Variants in PRLR observed in about 807,000 individuals in gnomAD.
PRLR encodes hPRL receptor.
PRLR carries 13 observed loss-of-function variants against 40.2 expected under a neutral mutation model. The ratio of observed to expected loss-of-function variants is 0.32; its 90% CI spans 0.21 to 0.51. PRLR has a LOEUF of 0.51. Among genes scored for constraint, PRLR ranks in the 20% least tolerant of loss-of-function variants. PRLR has a pLI of 0.97. For synonymous variants in PRLR, 269 were observed against 278.7 expected (o/e 0.97, Z 0.35); for missense variants, 656 against 747.3 (o/e 0.88, Z 1.42).
chr5:35,215,499 G>T (rs893546731), intron 1 of PRLR, among the ~76,000 whole-genome samples: 2 of 152,154 alleles, frequency 1.3e-5, no homozygotes, highest in Non-Finnish European at 2.9e-5. Flanking sequence ...TACATACCTT[G>T]TCTTGTCTTT....
At chr5:35,158,316 A>G (rs1378706338) in intron 1 of PRLR, among the ~76,000 whole-genome samples, 2 of 152,166 alleles carry the variant, frequency 1.3e-5, no homozygotes, top group African/African-American at 4.8e-5. Context: ...ATTTCCACTT[A>G]CAACGCAGTG....
chr5:35,194,598 G>C (rs1362274668), intron 1 of PRLR, among the ~76,000 whole-genome samples: 1 of 152,154 alleles, frequency 6.6e-6, no homozygotes, highest in Non-Finnish European at 1.5e-5. Flanking sequence ...CTAAAACGGA[G>C]AGAAGCTACC....
At position 35,055,879 on chromosome 5, in the gene PRLR, A is replaced by T. The variant is rs1286568497; in HGVS notation, c.*9210T>A. 1 of 152,218 alleles carries T rather than the reference A, an allele frequency of 6.6e-6. No homozygotes were observed. Among genetic ancestry groups the T allele is most frequent in the Non-Finnish European group, 1.5e-5 (1 of 68,038 alleles). The allele number at this position is 152,218 out of a possible 1,614,324, so 9.4% of individuals were successfully genotyped here. A position where few individuals can be genotyped will look rare whatever the true frequency, so the allele number is the denominator to read the frequency against. On this transcript the variant is annotated 3_prime_UTR_variant, in exon 10 of 10. Transcript: ENST00000618457. ...AAACGTCATTTAAGCTTACCCTGTA[A>T]TTTTTAATAACTTTATAAGGAGCAA...
intron 5 of PRLR, among the ~76,000 whole-genome samples, chr5:35,076,764 TA>T (rs1166007779): frequency 1.3e-5 from 2 of 151,800 alleles, no homozygotes; most frequent in African/African-American, 2.4e-5. Context: ...AAAGTTAAAA[TA>T]AAGGAAAAAA....
intron 1 of PRLR, among the ~76,000 whole-genome samples, chr5:35,207,652 G>A (rs919534924): frequency 3.4e-5 from 5 of 148,672 alleles, no homozygotes; most frequent in African/African-American, 4.9e-5. Flanking sequence ...GTATAGAGAA[G>A]TCATGTAATA....
At chr5:35,205,338 G>A (rs1775987517) in intron 1 of PRLR, among the ~76,000 whole-genome samples, 1 of 152,060 alleles carries the variant, frequency 6.6e-6, no homozygotes, top group Non-Finnish European at 1.5e-5. Flanking sequence ...CAGAAACTTG[G>A]AAGACATGTT....
chr5:35,082,085 G>C (rs73091157), intron 5 of PRLR: 14,112 of 152,492 alleles, frequency 0.093, 953 homozygotes, highest in African/African-American at 0.19. Context: ...GGCACTCAGT[G>C]CTCCACCTCA....
intron 2 of PRLR, among the ~76,000 whole-genome samples, chr5:35,097,625 T>G (rs979835377): frequency 6.6e-6 from 1 of 152,042 alleles, no homozygotes. Flanking sequence ...TCAGAGGACC[T>G]TGGGGTCGTA....
rs373078482 is a variant in PRLR, at chr5:35,110,226, G to A, written c.-44+7835C>T. Among the ~76,000 whole-genome samples the A allele has an allele frequency of 3.9e-5, 6 of 152,234 alleles. 1 individual carries two copies. The highest frequency in any genetic ancestry group is 2.4e-5 in the African/African-American group (1 of 41,524). Reference sequence around the variant, plus strand: ...ACACCAGGGCCTGTCATTGGATGGGGGGAGGGGGTGATAGCATTAGGAGAT... The same window carrying A: ...ACACCAGGGCCTGTCATTGGATGGGAGGAGGGGGTGATAGCATTAGGAGAT... On this transcript the variant is annotated intron_variant, in intron 2 of 9. Transcript: ENST00000618457.
intron 1 of PRLR, among the ~76,000 whole-genome samples, chr5:35,191,628 A>G (rs1775610423): frequency 6.6e-6 from 1 of 152,170 alleles, no homozygotes; most frequent in Non-Finnish European, 1.5e-5. Flanking sequence ...GACCTTCCAT[A>G]GTTCTTCTTA....
intron 5 of PRLR, among the ~76,000 whole-genome samples, chr5:35,083,756 G>A (rs1770675555): frequency 6.9e-6 from 1 of 143,926 alleles, no homozygotes; most frequent in Non-Finnish European, 1.5e-5. Context: ...TTGATCTTAT[G>A]ATCTGCCTGT....
chr5:35,187,850 C>A (rs913588403), intron 1 of PRLR, among the ~76,000 whole-genome samples: 2 of 152,246 alleles, frequency 1.3e-5, no homozygotes, highest in South Asian at 4.2e-4. Flanking sequence ...ATTCAAGAGG[C>A]AAGAGGGAGA....
At chr5:35,154,158 G>T (rs1031944404) in intron 1 of PRLR, among the ~76,000 whole-genome samples, 49 of 152,144 alleles carry the variant, frequency 3.2e-4, no homozygotes, top group South Asian at 4.1e-4. Context: ...ATAGTTTCTA[G>T]GTAGAAAACT....
At chr5:35,108,741 C>A (rs541053283) in intron 2 of PRLR, among the ~76,000 whole-genome samples, 4 of 152,186 alleles carry the variant, frequency 2.6e-5, no homozygotes, top group Non-Finnish European at 5.9e-5. Flanking sequence ...GAAGAACATG[C>A]CATGCTCATA....
rs79369982 is a variant in PRLR at position 35,215,397 on chromosome 5, T to C, written c.-106+14871A>G. On this transcript the variant is annotated intron_variant, in intron 1 of 9. Coordinates refer to ENST00000618457, the MANE Select transcript of PRLR (RefSeq NM_000949.7). ...AGCATTTTACCCTGTTGACTGTACATGTGTTGGTGTCCCCCAGTAAATCAT... is the reference window on the plus strand; with the variant it reads ...AGCATTTTACCCTGTTGACTGTACACGTGTTGGTGTCCCCCAGTAAATCAT... Among the ~76,000 whole-genome samples, 885 of 152,300 alleles carry C rather than the reference T, an allele frequency of 5.8e-3. 17 individuals are homozygous for C. Among genetic ancestry groups the C allele is most frequent in the African/African-American group, 0.02 (844 of 41,558 alleles).
intron 1 of PRLR, among the ~76,000 whole-genome samples, chr5:35,126,167 G>C (rs1397413116): frequency 6.6e-6 from 1 of 152,198 alleles, no homozygotes; most frequent in Non-Finnish European, 1.5e-5. Flanking sequence ...AACATCTTAA[G>C]CTATTAAGTT....
At chr5:35,077,795 T>C (rs1246627361) in intron 5 of PRLR, among the ~76,000 whole-genome samples, 3 of 152,130 alleles carry the variant, frequency 2.0e-5, no homozygotes, top group Admixed American at 6.5e-5. Context: ...GCAGACCACA[T>C]AGTTGGAAGG....
At chr5:35,196,472 T>G (rs1775739879) in intron 1 of PRLR, among the ~76,000 whole-genome samples, 1 of 152,172 alleles carries the variant, frequency 6.6e-6, no homozygotes, top group Admixed American at 6.5e-5. Context: ...CTAAGACTCT[T>G]AAAGGAATTC....
At chr5:35,162,759 C>T (rs889003367) in intron 1 of PRLR, among the ~76,000 whole-genome samples, 2 of 152,302 alleles carry the variant, frequency 1.3e-5, no homozygotes, top group Admixed American at 6.5e-5. Context: ...CCAAGGTCTA[C>T]CTCTCCACAT....
Sources: allele counts gnomAD v4.1 joint callset (sites outside exome capture counted in the v4.1 genomes callset), GRCh38; gene constraint gnomAD v4.1.1; transcripts MANE v1.5; gene names NCBI Gene and HGNC (gene_info 2026-07-23, HGNC 2026-07-21).